The following ADAR variants were observed in gnomAD, a reference collection of about 807,000 sequenced individuals.
The protein encoded by ADAR is double-stranded RNA-specific adenosine deaminase.
In ADAR, 41 loss-of-function variants were observed where a neutral mutation model predicts 113.2. The ratio of observed to expected loss-of-function variants is 0.36; its 90% CI spans 0.28 to 0.47. The LOEUF (loss-of-function observed/expected upper bound fraction) is 0.47, where lower values mean the gene tolerates loss of function less well. ADAR is among the 20% of genes least tolerant of loss of function. ADAR has a pLI of 1.00. For missense variants in ADAR, 1,242 were observed against 1,540.9 expected, an observed-to-expected ratio of 0.81 and a Z score of 3.25; for synonymous variants, 605 against 572.6, an observed-to-expected ratio of 1.06 and a Z score of -0.81.
In ADAR at chr1:154,597,258, G is replaced by A. The variant is rs756789824; in HGVS notation, c.1944C>T (p.Tyr648=). 1 of 1,614,058 alleles carries A rather than the reference G, an allele frequency of 6.2e-7. No individual in the cohort carries two copies. The highest frequency in any genetic ancestry group is 2.2e-5 in the East Asian group (1 of 44,894). The change falls in exon 5 of 15, where the codon TAC becomes TAT. Residue 648 remains tyrosine, a synonymous_variant. Coordinates refer to ENST00000368474, the MANE Select transcript of ADAR (RefSeq NM_001111.5). ...AAGTTTGGGCTCCCACTGCAACACA[G>A]TATTGGAACCTGACAGGAGATGAAG... ...EGPAHEPKFQ[Y]CVAVGAQTFP...
chr1:154,585,577 T>C (rs1204055107), intron 13 of ADAR, 176 bp downstream of exon 13: 5 of 876,636 alleles, frequency 5.7e-6, no homozygotes, highest in African/African-American at 1.7e-5. Flanking sequence ...AGGAAGAAAG[T>C]TTAAGTTCTT....
intron 9 of ADAR, 35 bp from the exon 10 acceptor site, chr1:154,588,708 C>G: frequency 6.2e-7 from 1 of 1,613,792 alleles, no homozygotes; most frequent in South Asian, 1.1e-5. Flanking sequence ...AAGGCAGGTT[C>G]AATTCTGGGA....
chr1:154,608,109 C>G lies in ADAR; in HGVS notation c.-103G>C. On this transcript the variant is annotated 5_prime_UTR_variant, in exon 1 of 15. Coordinates refer to ENST00000368474, the MANE Select transcript of ADAR (RefSeq NM_001111.5). ...CGAGGCCCCCACGCCTCCGCTACTC[C>G]GCACTGGAAGTGGCCCCGGGGCGTC... is the stretch of plus-strand genomic sequence containing the variant. 7.1e-7 allele frequency: 1 copy of G among 1,411,388 alleles called. No homozygotes were observed. Among genetic ancestry groups the G allele is most frequent in the South Asian group, 1.5e-5 (1 of 66,754 alleles). The allele number at this position is 1,411,388 out of a possible 1,614,324, so 87.4% of individuals were successfully genotyped here. A position where few individuals can be genotyped will look rare whatever the true frequency, so the allele number is the denominator to read the frequency against.
rs113249520 is a variant in ADAR at position 154,589,943 on chromosome 1, G to A, written c.2497-15C>T. On this transcript the variant is annotated splice_polypyrimidine_tract_variant and intron_variant, in intron 7 of 14. Coordinates refer to ENST00000368474, the MANE Select transcript of ADAR (RefSeq NM_001111.5). ...GTGAGAGGGAGCTGTGGGGAAAAGA[G>A]GCTGTGTCAGCACCACAAAGCTGAG... is the stretch of plus-strand genomic sequence containing the variant. The A allele has an allele frequency of 1.3e-4, 216 of 1,613,568 alleles. 2 individuals carry two copies. The highest frequency in any genetic ancestry group is 3.3e-4 in the Middle Eastern group (2 of 6,044).
intron 1 of ADAR, among the ~76,000 whole-genome samples, chr1:154,616,785 C>T (rs1698646743): frequency 6.6e-6 from 1 of 152,202 alleles, no homozygotes; most frequent in Non-Finnish European, 1.5e-5. Context: ...AGCTTTCAGA[C>T]TCCCAGATAG....
rs918282210 is a variant in ADAR, at chr1:154,598,387, C to T, written c.1785+15G>A. The T allele has an allele frequency of 2.5e-6, 4 of 1,612,274 alleles. No homozygotes were observed. Among genetic ancestry groups the T allele is most frequent in the East Asian group, 2.2e-5 (1 of 44,886 alleles). ...ACAGGGAACTGATCCTCCCAGATGGCAGGAGGACACCTACCTTCTCTGATT... is the reference window on the plus strand; with the variant it reads ...ACAGGGAACTGATCCTCCCAGATGGTAGGAGGACACCTACCTTCTCTGATT... On this transcript the variant is annotated intron_variant, in intron 3 of 14. Transcript: ENST00000368474.
intron 1 of ADAR, among the ~76,000 whole-genome samples, chr1:154,618,721 G>GAA (rs572849353): frequency 2.1e-5 from 3 of 141,956 alleles, no homozygotes; most frequent in Non-Finnish European, 3.1e-5. Flanking sequence ...TGGCTATTTG[G>GAA]AAAAAAAAAA....
At chr1:154,590,101 G>T in intron 7 of ADAR, 83 bp downstream of exon 7, 4 of 1,507,042 alleles carry the variant, frequency 2.7e-6, no homozygotes, top group Non-Finnish European at 3.7e-6. Context: ...GGAATAACTC[G>T]CATGACAGCA....
intron 1 of ADAR, among the ~76,000 whole-genome samples, chr1:154,621,097 G>A (rs547981614): frequency 6.6e-6 from 1 of 152,172 alleles, no homozygotes; most frequent in South Asian, 2.1e-4. Flanking sequence ...CAAGCTGTTC[G>A]CTATTCTGAT....
At chr1:154,595,579 T>C (rs1375034260) in intron 6 of ADAR, among the ~76,000 whole-genome samples, 1 of 152,180 alleles carries the variant, frequency 6.6e-6, no homozygotes, top group Admixed American at 6.5e-5. Context: ...TATTTTTGGA[T>C]AGCAGTACAA....
chr1:154,600,950 A>G, intron 2 of ADAR, 91 bp downstream of exon 2: 1 of 1,564,796 alleles, frequency 6.4e-7, no homozygotes, highest in Non-Finnish European at 8.8e-7. Context: ...AGGCGCCACC[A>G]AACAGCACTG....
chr1:154,617,579 T>C (rs1186729401), intron 1 of ADAR, among the ~76,000 whole-genome samples: 2 of 152,210 alleles, frequency 1.3e-5, no homozygotes, highest in African/African-American at 4.8e-5. Flanking sequence ...ATGGAACAGT[T>C]AGACACTACC....
At chr1:154,591,310 ACTGT>A (rs1244117922) in intron 6 of ADAR, among the ~76,000 whole-genome samples, 5 of 152,250 alleles carry the variant, frequency 3.3e-5, no homozygotes, top group Admixed American at 2.0e-4. Flanking sequence ...TACTTCATAC[ACTGT>A]CTGATTTTTA....
At chr1:154,587,633 C>T (rs1696854135) in intron 11 of ADAR, among the ~76,000 whole-genome samples, 1 of 152,112 alleles carries the variant, frequency 6.6e-6, no homozygotes, top group African/African-American at 2.4e-5. Flanking sequence ...TGCGAAGAGA[C>T]AGTAAGGAGA....
intron 2 of ADAR, 145 bp downstream of exon 2, chr1:154,600,896 C>G: frequency 8.6e-7 from 1 of 1,162,268 alleles, no homozygotes. Flanking sequence ...AAGGGCCAAT[C>G]AAGGGGAATT....
At position 154,601,343 on chromosome 1, in the gene ADAR, T is replaced by C; in HGVS notation, c.1299A>G (p.Lys433=). 1.2e-6 allele frequency: 2 copies of C among 1,614,226 alleles called. No individual in the cohort carries two copies. Among genetic ancestry groups the C allele is most frequent in the Non-Finnish European group, 8.5e-7 (1 of 1,180,044 alleles). The change falls in exon 2 of 15, where the codon AAA becomes AAG. Residue 433 remains lysine, a synonymous_variant. Transcript: ENST00000368474. This position sits in a 1 kb window ranked among gnomAD's most constrained non-coding sequence, Gnocchi z 4.7. The stretch of plus-strand genomic sequence containing the variant: ...AGGGGCCATTGTAATGAACAGGTGG[T>C]TTCAGTCTTGCTGGTTCTGGTCTGG... ...QEARPEPARL[K]PPVHYNGPSK... is the part of the protein sequence containing the mutation.
chr1:154,597,791 G>C (rs938915970), intron 4 of ADAR, 37 bp downstream of exon 4: 1 of 1,613,448 alleles, frequency 6.2e-7, no homozygotes, highest in African/African-American at 1.3e-5. Context: ...TTCTTTCTGA[G>C]AAAACCTCAG....
At chr1:154,625,716 G>A (rs971189733) in intron 1 of ADAR, among the ~76,000 whole-genome samples, 6 of 150,532 alleles carry the variant, frequency 4.0e-5, no homozygotes, top group Admixed American at 1.3e-4. Context: ...AAAATTAGCC[G>A]GGCATAGGCC....
upstream of ADAR, among the ~76,000 whole-genome samples, chr1:154,612,794 TA>T (rs1272778036): frequency 6.6e-6 from 1 of 152,042 alleles, no homozygotes; most frequent in Non-Finnish European, 1.5e-5. Flanking sequence ...CAACAGTTCC[TA>T]ACAACATTAA....
Sources: allele counts gnomAD v4.1 joint callset (sites outside exome capture counted in the v4.1 genomes callset), GRCh38; gene constraint gnomAD v4.1.1; non-coding constraint Gnocchi (gnomAD v3.1); transcripts MANE v1.5; gene names NCBI Gene and HGNC (gene_info 2026-07-23, HGNC 2026-07-21).